Variants in NPM1 observed in about 807,000 individuals in gnomAD.
NPM1 encodes nucleophosmin 1, also known as nucleophosmin.
In NPM1, 1 loss-of-function variant was observed where a neutral mutation model predicts 44.1. That is an observed-to-expected ratio of 0.02 (90% CI 0.01 to 0.11). The LOEUF (loss-of-function observed/expected upper bound fraction) is 0.11. Ranked by LOEUF, NPM1 falls within the 10% of genes least tolerant of loss-of-function variation. The pLI, the probability that NPM1 is intolerant of heterozygous loss-of-function variation, is 1.00. For synonymous variants in NPM1, 126 were observed against 111.8 expected, an observed-to-expected ratio of 1.13 and a Z score of -0.80; for missense variants, 197 against 347.8, an observed-to-expected ratio of 0.57 and a Z score of 3.45.
rs189577643 is a variant in NPM1, at chr5:171,387,893, A to G, written c.-56A>G. The G allele has an allele frequency of 4.8e-3, 7,464 of 1,540,122 alleles. 25 individuals are homozygous for G. The highest frequency in any genetic ancestry group is 6.2e-3 in the Non-Finnish European group (6,899 of 1,114,818). On this transcript the variant is annotated 5_prime_UTR_variant, in exon 1 of 11. Transcript: ENST00000296930. ...GTCCTGCGCGGTTGTTCTCTGGAGC[A>G]GCGTTCTTTTATCTCCGTCCGCCTT...
Position 171,400,185 on chromosome 5 carries a change from C to G in NPM1, c.557C>G (p.Ala186Gly). 1.9e-6 allele frequency: 3 copies of G among 1,610,230 alleles called. No homozygotes were observed. The highest frequency in any genetic ancestry group is 2.5e-6 in the Non-Finnish European group (3 of 1,176,696). Reference sequence around the variant, plus strand: ...GATGATGATTTTGATGATGAGGAAGCTGAAGAAAAAGCGCCAGTGAAGAAA... The same window carrying G: ...GATGATGATTTTGATGATGAGGAAGGTGAAGAAAAAGCGCCAGTGAAGAAA... ...DDDDDFDDEEAEEKAPVKKSI... is the reference protein window; with the variant it reads ...DDDDDFDDEEGEEKAPVKKSI... Residue 186 changes from alanine to glycine, a missense_variant, in exon 7 of 11, where the codon GCT (alanine) becomes GGT (glycine). Around this residue, in one of 5 missense-constraint regions of NPM1, gnomAD observed 91 missense variants for 94.0 expected, o/e 0.97. Transcript: ENST00000296930.
chr5:171,400,518 G>A (rs570959908), intron 7 of NPM1, among the ~76,000 whole-genome samples: 1 of 149,894 alleles, frequency 6.7e-6, no homozygotes, highest in South Asian at 2.1e-4. Flanking sequence ...GTACAGTGGC[G>A]CGATCTCAGC....
intron 9 of NPM1, 100 bp from the exon 10 acceptor site, chr5:171,407,600 T>C: frequency 1.4e-6 from 1 of 737,258 alleles, no homozygotes; most frequent in Non-Finnish European, 2.4e-6. Flanking sequence ...AAGAATAAAC[T>C]GATCCATGTA....
At chr5:171,405,528 G>T (rs1419739721) in intron 9 of NPM1, 125 bp downstream of exon 9, 2 of 637,934 alleles carry the variant, frequency 3.1e-6, no homozygotes, top group South Asian at 1.8e-5. Context: ...CTGGTTCGTG[G>T]TATGAATTTT....
At chr5:171,400,482 G>A (rs1163519212) in intron 7 of NPM1, among the ~76,000 whole-genome samples, 7 of 143,512 alleles carry the variant, frequency 4.9e-5, no homozygotes, top group African/African-American at 1.3e-4. Context: ...TTTTTGAGAC[G>A]GAGTCTCAAT....
intron 9 of NPM1, chr5:171,405,735 C>G: frequency 3.6e-6 from 1 of 278,702 alleles, no homozygotes; most frequent in Non-Finnish European, 6.7e-6. Context: ...AGAGAACCAA[C>G]AGAGGGCGTA....
chr5:171,406,150 C>A (rs1053452120), intron 9 of NPM1, among the ~76,000 whole-genome samples: 17 of 152,242 alleles, frequency 1.1e-4, no homozygotes, highest in South Asian at 1.0e-3. Flanking sequence ...ATTGCCAACT[C>A]ATTTCCCCAT....
In NPM1 at chr5:171,407,278, T is replaced by G. The variant is rs186484326; in HGVS notation, c.772-422T>G. Among the ~76,000 whole-genome samples the G allele has an allele frequency of 1.3e-4, 20 of 152,328 alleles. No homozygotes were observed. In the East Asian group the frequency reaches 3.5e-3, roughly 26 times the overall value. ...AACCAGTTTGTGGTCAGCAAGTGTTTTGTGGGGTTTTGTTTGTTTGTTTTT... is the reference window on the plus strand; with the variant it reads ...AACCAGTTTGTGGTCAGCAAGTGTTGTGTGGGGTTTTGTTTGTTTGTTTTT... On this transcript the variant is annotated intron_variant, in intron 9 of 10. Transcript: ENST00000296930.
intron 1 of NPM1, among the ~76,000 whole-genome samples, chr5:171,389,345 A>G (rs1770449203): frequency 6.6e-6 from 1 of 152,224 alleles, no homozygotes; most frequent in South Asian, 2.1e-4. Flanking sequence ...TAAAATTTTT[A>G]TTCTGACAGT....
chr5:171,404,299 T>G, intron 8 of NPM1, among the ~76,000 whole-genome samples: 1 of 90,408 alleles, frequency 1.1e-5, no homozygotes, highest in Non-Finnish European at 2.2e-5. Context: ...ACTTCCCAGA[T>G]GGGGTGGCTG....
intron 10 of NPM1, among the ~76,000 whole-genome samples, chr5:171,408,006 G>C (rs983321631): frequency 1.4e-4 from 22 of 152,072 alleles, no homozygotes; most frequent in Admixed American, 1.2e-3. Flanking sequence ...CCTATAGTTG[G>C]TAAATTATTT....
At chr5:171,399,238 G>A (rs2113224389) in intron 6 of NPM1, among the ~76,000 whole-genome samples, 1 of 151,704 alleles carries the variant, frequency 6.6e-6, no homozygotes, top group South Asian at 2.1e-4. Context: ...GGCCTCTTTG[G>A]GTCCCTTAAG....
At chr5:171,404,260 G>C (rs1240990136) in intron 8 of NPM1, among the ~76,000 whole-genome samples, 1 of 107,358 alleles carries the variant, frequency 9.3e-6, no homozygotes, top group African/African-American at 3.7e-5. Context: ...CCTCCCGGAC[G>C]GGGTGGCTGC....
At chr5:171,403,618 G>C in intron 8 of NPM1, among the ~76,000 whole-genome samples, 1 of 117,680 alleles carries the variant, frequency 8.5e-6, no homozygotes, top group East Asian at 2.6e-4. Flanking sequence ...CGGACGGGGC[G>C]GCTGGCCGGG....
intron 6 of NPM1, among the ~76,000 whole-genome samples, chr5:171,396,965 C>G (rs1218997056): frequency 1.3e-5 from 2 of 151,718 alleles, no homozygotes; most frequent in Admixed American, 1.3e-4. Context: ...AAGAGTAAAA[C>G]TCAAAAAAAA....
At chr5:171,400,636 T>C (rs944405776) in intron 7 of NPM1, 2 of 477,416 alleles carry the variant, frequency 4.2e-6, no homozygotes, top group African/African-American at 4.0e-5. Context: ...TTTGCATTTT[T>C]AGTAGACCAC....
At chr5:171,390,478 A>AT (rs1349036226) in intron 2 of NPM1, among the ~76,000 whole-genome samples, 2 of 152,212 alleles carry the variant, frequency 1.3e-5, no homozygotes, top group African/African-American at 4.8e-5. Context: ...GGTGGTCTAT[A>AT]TTGTGTGTAT....
chr5:171,387,174 G>A (rs1770253390), upstream of NPM1: 1 of 152,178 alleles, frequency 6.6e-6, no homozygotes. Flanking sequence ...CCCAAGTTAC[G>A]TAAAGATAAG....
chr5:171,405,046 T>G (rs926021554), intron 8 of NPM1, among the ~76,000 whole-genome samples: 3 of 152,148 alleles, frequency 2.0e-5, no homozygotes, highest in Non-Finnish European at 4.4e-5. Context: ...TAAGCAATCC[T>G]CCTGCCTTAG....
Sources: gnomAD v4.1 joint callset for allele counts (sites outside exome capture counted in the v4.1 genomes callset) on GRCh38, gnomAD v4.1.1 for gene constraint, gnomAD v4.1.1 regional missense constraint, MANE v1.5 for transcripts, NCBI Gene and HGNC (gene_info 2026-07-23, HGNC 2026-07-21) for gene names.